HIPK2: variants seen among roughly 807,000 people sequenced by gnomAD.
HIPK2 encodes homeodomain interacting protein kinase 2, also known as homeodomain-interacting protein kinase 2.
HIPK2 carries 27 observed loss-of-function variants against 113.7 expected under a neutral mutation model. That is an observed-to-expected ratio of 0.24 (90% CI 0.17 to 0.33). The LOEUF (loss-of-function observed/expected upper bound fraction) is 0.33. HIPK2 is among the 10% of genes least tolerant of loss of function. The pLI is 1.00. For missense variants in HIPK2, 1,257 were observed against 1,588.0 expected (o/e 0.79, Z 3.54); for synonymous variants, 631 against 642.2 (o/e 0.98, Z 0.26).
At chr7:139,573,568 G>A (rs906554057) in intron 14 of HIPK2, among the ~76,000 whole-genome samples, 171 bp from the exon 15 acceptor site, 2 of 152,132 alleles carry the variant, frequency 1.3e-5, no homozygotes, top group Non-Finnish European at 2.9e-5. Context: ...GGGACCTGGC[G>A]CAGTGGCTCA....
At position 139,565,351 on chromosome 7, in the gene HIPK2, T is replaced by G. The variant is rs1023951127; in HGVS notation, c.*7576A>C. 1 of 152,112 alleles carries G rather than the reference T, an allele frequency of 6.6e-6. No individual in the cohort carries two copies. Among genetic ancestry groups the G allele is most frequent in the Non-Finnish European group, 1.5e-5 (1 of 68,030 alleles). 9.4% of individuals were successfully genotyped at this position (152,112 alleles called of 1,614,324 possible). A position where few individuals can be genotyped will look rare whatever the true frequency, so the allele number is the denominator to read the frequency against. ...GAACTTGTGTAAACTACCTAAGAAT[T>G]TAGGCAAACAAGCCTGGAGCCAGTC... On this transcript the variant is annotated 3_prime_UTR_variant, in exon 15 of 15. Coordinates refer to ENST00000406875, the MANE Select transcript of HIPK2 (RefSeq NM_022740.5).
chr7:139,701,484 T>C (rs1005291012), intron 2 of HIPK2, among the ~76,000 whole-genome samples: 10 of 152,060 alleles, frequency 6.6e-5, no homozygotes, highest in African/African-American at 2.4e-4. Context: ...TGTGGCAAAG[T>C]CATGTCGGAG....
intron 1 of HIPK2, among the ~76,000 whole-genome samples, chr7:139,756,245 C>T (rs146130531): frequency 1.2e-4 from 19 of 152,330 alleles, no homozygotes; most frequent in Admixed American, 5.9e-4. Context: ...CAAACACACA[C>T]GATCTGATTT....
chr7:139,749,669 G>C (rs1022625251), intron 1 of HIPK2, among the ~76,000 whole-genome samples: 3 of 152,174 alleles, frequency 2.0e-5, no homozygotes, highest in Admixed American at 1.3e-4. Flanking sequence ...GAGAAGACTC[G>C]GGCTTAGAGC....
chr7:139,578,739 C>T (rs183644113), intron 13 of HIPK2, among the ~76,000 whole-genome samples: 37 of 152,204 alleles, frequency 2.4e-4, no homozygotes, highest in Admixed American at 5.2e-4. Context: ...GGTGCAATCT[C>T]GACTCACTGC....
At position 139,644,794 on chromosome 7, in the gene HIPK2, GGATCAACTGCA is replaced by G. The variant is rs534635576; in HGVS notation, c.1104-13080_1104-13070del. Reference sequence around the variant, plus strand: ...AGGGATTTGGAATTTCAATTCCTGTGGATCAACTGCAGATGTGGCGTCTTCACTTTATTCAG... The same window carrying G: ...AGGGATTTGGAATTTCAATTCCTGTGGATGTGGCGTCTTCACTTTATTCAG... On this transcript the variant is annotated intron_variant, in intron 2 of 14. Coordinates refer to ENST00000406875, the MANE Select transcript of HIPK2 (RefSeq NM_022740.5). Among the ~76,000 whole-genome samples, 22 of 152,302 alleles carry G rather than the reference GGATCAACTGCA, an allele frequency of 1.4e-4. No homozygotes were observed. In the South Asian group the frequency reaches 4.1e-3, roughly 29 times the overall value.
At chr7:139,695,394 T>C (rs932481947) in intron 2 of HIPK2, among the ~76,000 whole-genome samples, 2 of 152,138 alleles carry the variant, frequency 1.3e-5, no homozygotes, top group Non-Finnish European at 1.5e-5. Flanking sequence ...TTAGACAGCC[T>C]TGGGGGCTCG....
chr7:139,584,198 C>A, intron 12 of HIPK2, 134 bp from the exon 13 acceptor site: 1 of 1,207,352 alleles, frequency 8.3e-7, no homozygotes, highest in Non-Finnish European at 1.2e-6. Flanking sequence ...CCCTCCCTAA[C>A]CCCCATAGGG....
chr7:139,751,214 A>G (rs1386600639), intron 1 of HIPK2, among the ~76,000 whole-genome samples: 1 of 152,204 alleles, frequency 6.6e-6, no homozygotes, highest in East Asian at 1.9e-4. Flanking sequence ...AAAACACTAC[A>G]ATCAGAGTGA....
Position 139,567,842 on chromosome 7 carries a change from C to A in HIPK2, c.*5085G>T, listed in dbSNP as rs1311769891. On this transcript the variant is annotated 3_prime_UTR_variant, in exon 15 of 15. Coordinates refer to ENST00000406875, the MANE Select transcript of HIPK2 (RefSeq NM_022740.5). ...ATTTTCTGTCCTAGGGTCTACTTGA[C>A]AGGCCAACAAGAGTGGTGGTCCCAC... 6.6e-6 allele frequency: 1 copy of A among 152,244 alleles called. No individual in the cohort carries two copies. Among genetic ancestry groups the A allele is most frequent in the African/African-American group, 2.4e-5 (1 of 41,426 alleles). 9.4% of individuals were successfully genotyped at this position (152,244 alleles called of 1,614,324 possible).
intron 2 of HIPK2, among the ~76,000 whole-genome samples, chr7:139,676,954 T>C (rs1802521805): frequency 2.0e-5 from 3 of 151,470 alleles, no homozygotes. Context: ...CTCCGCCTCC[T>C]GGGTTCAAGT....
chr7:139,764,378 C>T (rs1414483443), intron 1 of HIPK2, among the ~76,000 whole-genome samples: 1 of 152,088 alleles, frequency 6.6e-6, no homozygotes, highest in Non-Finnish European at 1.5e-5. Flanking sequence ...ACAGCTATGG[C>T]GAATGATGAG....
At chr7:139,643,381 T>TACACACAC (rs61058916) in intron 2 of HIPK2, among the ~76,000 whole-genome samples, 4,044 of 148,302 alleles carry the variant, frequency 0.027, 78 homozygotes, top group Non-Finnish European at 0.042. Flanking sequence ...ATGTACTAAA[T>TACACACAC]ACACACACAC....
intron 2 of HIPK2, among the ~76,000 whole-genome samples, chr7:139,711,244 A>G (rs1569478785): frequency 6.6e-6 from 1 of 152,088 alleles, no homozygotes; most frequent in African/African-American, 2.4e-5. Context: ...TGGCTAATAC[A>G]GTGAAACCCC....
chr7:139,664,556 G>A (rs970127100), intron 2 of HIPK2, among the ~76,000 whole-genome samples: 1 of 152,070 alleles, frequency 6.6e-6, no homozygotes, highest in African/African-American at 2.4e-5. Context: ...GTAGCTTGAG[G>A]ATTTTTCTCC....
At chr7:139,629,091 TG>T (rs1800527338) in intron 4 of HIPK2, 52 bp from the exon 5 acceptor site, 1 of 1,453,936 alleles carries the variant, frequency 6.9e-7, no homozygotes. Context: ...TCCTCATCAC[TG>T]GGACTCAAGC....
intron 2 of HIPK2, among the ~76,000 whole-genome samples, chr7:139,677,917 T>C (rs915581841): frequency 6.6e-6 from 1 of 152,264 alleles, no homozygotes; most frequent in African/African-American, 2.4e-5. Flanking sequence ...CCATTCTAAC[T>C]GGTGTGAGAT....
intron 2 of HIPK2, among the ~76,000 whole-genome samples, chr7:139,697,780 T>A (rs1794604545): frequency 6.6e-6 from 1 of 152,290 alleles, no homozygotes; most frequent in African/African-American, 2.4e-5. Context: ...TTTCATCATT[T>A]GGAAGTAAAA....
chr7:139,628,254 G>A (rs1800497201), intron 5 of HIPK2, among the ~76,000 whole-genome samples: 1 of 152,138 alleles, frequency 6.6e-6, no homozygotes, highest in Admixed American at 6.6e-5. Context: ...GAACTGTGGG[G>A]GAATGAAAGT....
Sources: allele counts gnomAD v4.1 joint callset (sites outside exome capture counted in the v4.1 genomes callset), GRCh38; gene constraint gnomAD v4.1.1; transcripts MANE v1.5; gene names NCBI Gene and HGNC (gene_info 2026-07-23, HGNC 2026-07-21).